Variants in CCDC33 observed in about 807,000 individuals in gnomAD.
CCDC33 encodes the protein coiled-coil domain-containing protein 33.
A neutral mutation model predicts 91.9 loss-of-function variants in CCDC33; 94 were observed. The observed-to-expected ratio is 1.02, with a 90% CI of 0.87 to 1.21. The LOEUF (loss-of-function observed/expected upper bound fraction) is 1.21. Among genes scored for constraint, CCDC33 ranks in the 50% most tolerant of loss-of-function variants. The pLI is 0.00. For synonymous variants in CCDC33, 396 were observed against 374.5 expected, an observed-to-expected ratio of 1.06 and a Z score of -0.66; for missense variants, 940 against 935.5, an observed-to-expected ratio of 1.00 and a Z score of -0.06.
At chr15:74,320,257 T>C (rs954910795) in intron 11 of CCDC33, among the ~76,000 whole-genome samples, 1 of 152,258 alleles carries the variant, frequency 6.6e-6, no homozygotes, top group East Asian at 1.9e-4. Context: ...ACCTGTGTAC[T>C]TTGCTGCCTC....
intron 2 of CCDC33, among the ~76,000 whole-genome samples, chr15:74,245,185 T>C (rs1393449696): frequency 6.6e-6 from 1 of 152,124 alleles, no homozygotes; most frequent in African/African-American, 2.4e-5. Context: ...GATCTCCTCC[T>C]CCATTTCCCT....
rs191781870 is a variant in CCDC33, at chr15:74,272,866, G to A, written c.734G>A (p.Arg245His). The change falls in exon 7 of 19, where the codon CGC becomes CAC. Residue 245 changes from arginine to histidine, a missense_variant. Transcript: ENST00000398814. The stretch of plus-strand genomic sequence containing the variant: ...TCCATGATGAACTTTGACGTGCCTC[G>A]CGTCAGCCAGAACGGATGCCCTCAG... ...IPSMMNFDVP[R>H]VSQNGCPQLS... 1.5e-5 allele frequency: 25 copies of A among 1,614,208 alleles called. No individual in the cohort carries two copies. The highest frequency in any genetic ancestry group is 8.9e-5 in the East Asian group (4 of 44,882).
In CCDC33 at chr15:74,330,348, A is replaced by G; in HGVS notation, c.1450A>G (p.Asn484Asp). The change falls in exon 12 of 19, where the codon AAC (asparagine) becomes GAC (aspartate). Residue 484 changes from asparagine (N) to aspartate (D), a missense_variant. Asn to Asp is a conservative substitution (Grantham distance 23). Transcript: ENST00000398814. ...EGQGKASEAQ[N>D]TVSMKQKLLL... ...GCAGGGCAAAGCCAGTGAGGCCCAG[A>G]ACACGGGTGAGGATGTGCAGGCCAC... The G allele has an allele frequency of 3.1e-6, 5 of 1,594,290 alleles. No individual in the cohort carries two copies. Among genetic ancestry groups the G allele is most frequent in the Non-Finnish European group, 4.3e-6 (5 of 1,171,002 alleles).
Position 74,335,970 on chromosome 15 carries a change from G to A in CCDC33, c.2185G>A (p.Glu729Lys), listed in dbSNP as rs553391963. The A allele has an allele frequency of 5.0e-6, 8 of 1,613,754 alleles. No individual in the cohort carries two copies. In the East Asian group the frequency reaches 1.3e-4, roughly 27 times the overall value. ...GGACCTCAAGCAGCCCTCAGAGCTG[G>A]AGCCCCTGCTGCCCAGCTCAGACTC... ...SMDLKQPSEL[E>K]PLLPSSDSKL... is the part of the protein sequence containing the mutation. The change falls in exon 19 of 19, where the codon GAG (glutamate) becomes AAG (lysine). Residue 729 changes from glutamate (E) to lysine (K), a missense_variant. Transcript: ENST00000398814.
Position 74,336,042 on chromosome 15 carries a change from CA to C in CCDC33, c.2258del (p.Gln753ArgfsTer33). 1 of 1,613,864 alleles carries C rather than the reference CA, an allele frequency of 6.2e-7. No individual in the cohort carries two copies. Among genetic ancestry groups the C allele is most frequent in the Non-Finnish European group, 8.5e-7 (1 of 1,180,008 alleles). ...LSPQKETANS[Q>X]QT is the part of the protein sequence containing the mutation. Reference sequence around the variant, plus strand: ...CCCCCAGAAGGAGACCGCTAACTCTCAGCAGACCTGAGCCCCAGAGCAGGCC... The same window carrying C: ...CCCCCAGAAGGAGACCGCTAACTCTCGCAGACCTGAGCCCCAGAGCAGGCC... On this transcript the variant is annotated frameshift_variant, in exon 19 of 19. Coordinates refer to ENST00000398814, the MANE Select transcript of CCDC33 (RefSeq NM_025055.5). LOFTEE classifies it high-confidence loss of function.
chr15:74,281,554 C>G (rs1443539481), intron 9 of CCDC33, among the ~76,000 whole-genome samples: 1 of 152,226 alleles, frequency 6.6e-6, no homozygotes, highest in African/African-American at 2.4e-5. Context: ...ATCTCTCTGT[C>G]AGATGAGCCT....
chr15:74,330,515 G>T, intron 12 of CCDC33, 148 bp from the exon 13 acceptor site: 1 of 1,071,924 alleles, frequency 9.3e-7, no homozygotes, highest in South Asian at 1.5e-5. Context: ...TCCCTGCCCA[G>T]CTGGGTCCTC....
At chr15:74,250,970 A>G (rs1338913224) in intron 2 of CCDC33, among the ~76,000 whole-genome samples, 2 of 152,232 alleles carry the variant, frequency 1.3e-5, no homozygotes, top group Non-Finnish European at 2.9e-5. Flanking sequence ...GAGACCTATC[A>G]TAAGAAAGCC....
intron 1 of CCDC33, among the ~76,000 whole-genome samples, chr15:74,237,445 G>A (rs567892311): frequency 4.6e-5 from 7 of 152,338 alleles, no homozygotes; most frequent in Middle Eastern, 3.4e-3. Context: ...AGCAGAAGGA[G>A]CTGAGACCAA....
At chr15:74,277,059 G>A (rs909512516) in intron 7 of CCDC33, among the ~76,000 whole-genome samples, 1 of 152,218 alleles carries the variant, frequency 6.6e-6, no homozygotes, top group African/African-American at 2.4e-5. Flanking sequence ...ATCTGGAATG[G>A]AGAAGCCCCC....
intron 1 of CCDC33, among the ~76,000 whole-genome samples, chr15:74,241,566 C>A (rs932470116): frequency 4.6e-5 from 7 of 152,244 alleles, no homozygotes; most frequent in Admixed American, 2.0e-4. Flanking sequence ...CGGGCCATTG[C>A]AAGGCTCTGA....
chr15:74,236,511 CA>C lies in CCDC33; in HGVS notation c.-208del. ...GATCCAGGACCTGCTCCCACCTGGC[CA>C]CCCTCCCCCTCCCCCCACATCCAGG... On this transcript the variant is annotated 5_prime_UTR_variant, in exon 1 of 19. Coordinates refer to ENST00000398814, the MANE Select transcript of CCDC33 (RefSeq NM_025055.5). 3 of 388,710 alleles carry C rather than the reference CA, an allele frequency of 7.7e-6. No homozygotes were observed. Among genetic ancestry groups the C allele is most frequent in the African/African-American group, 2.1e-5 (1 of 48,400 alleles). The allele number at this position is 388,710 out of a possible 1,614,324, so 24.1% of individuals were successfully genotyped here. A position where few individuals can be genotyped will look rare whatever the true frequency, so the allele number is the denominator to read the frequency against.
upstream of CCDC33, among the ~76,000 whole-genome samples, chr15:74,236,104 GGGGC>G (rs1365177050): frequency 6.6e-6 from 1 of 152,240 alleles, no homozygotes; most frequent in Non-Finnish European, 1.5e-5. Context: ...TGAGCAGCAT[GGGGC>G]TGGCCACACC....
In CCDC33 at chr15:74,256,464, T is replaced by C. The variant is rs541038139; in HGVS notation, c.186-5976T>C. Among the ~76,000 whole-genome samples the C allele has an allele frequency of 9.2e-5, 14 of 152,196 alleles. No homozygotes were observed. In the East Asian group the frequency reaches 2.7e-3, roughly 29 times the overall value. On this transcript the variant is annotated intron_variant, in intron 2 of 18. Coordinates refer to ENST00000398814, the MANE Select transcript of CCDC33 (RefSeq NM_025055.5). ...TGGCTGTTCAGAGTGACCGAACCAT[T>C]GAGAGGATTCCACGTCCTGGCAAGT...
chr15:74,228,805 G>T (rs989867605), intron 2 of CCDC33, among the ~76,000 whole-genome samples: 7 of 152,212 alleles, frequency 4.6e-5, no homozygotes, highest in African/African-American at 1.4e-4. Context: ...GGCAGGGGCC[G>T]GGCCAGCTCC....
At position 74,318,508 on chromosome 15, in the gene CCDC33, G is replaced by A. The variant is rs939599682; in HGVS notation, c.1291-11681G>A. 18 of 641,394 alleles carry A rather than the reference G, an allele frequency of 2.8e-5. No homozygotes were observed. In the African/African-American group the frequency reaches 3.1e-4, roughly 11 times the overall value. The allele number at this position is 641,394 out of a possible 1,614,324, so 39.7% of individuals were successfully genotyped here. A position where few individuals can be genotyped will look rare whatever the true frequency, so the allele number is the denominator to read the frequency against. On this transcript the variant is annotated intron_variant, in intron 11 of 18. Coordinates refer to ENST00000398814, the MANE Select transcript of CCDC33 (RefSeq NM_025055.5). The stretch of plus-strand genomic sequence containing the variant: ...GCCTGCCTGCTTCCAGCTCAGGGCT[G>A]GGCTTGGTCACCAGGCAGGCACTTG...
exon 1 of CCDC33, chr15:74,217,244 C>A: frequency 8.1e-7 from 1 of 1,242,210 alleles, no homozygotes; most frequent in Non-Finnish European, 1.0e-6. Context: ...GTGCAGTGCT[C>A]AGCCTGGCAG....
intron 15 of CCDC33, 106 bp downstream of exon 15, chr15:74,331,402 C>T (rs537722131): frequency 6.2e-6 from 7 of 1,131,026 alleles, no homozygotes; most frequent in Non-Finnish European, 9.0e-6. Context: ...GAAGAGGTCC[C>T]CTGCACTCAG....
upstream of CCDC33, among the ~76,000 whole-genome samples, chr15:74,214,427 A>G (rs1342911814): frequency 6.6e-6 from 1 of 152,074 alleles, no homozygotes; most frequent in Non-Finnish European, 1.5e-5. Context: ...CCTGCCCCCC[A>G]GAGACAGTCT....
Sources: gnomAD v4.1 joint callset for allele counts (sites outside exome capture counted in the v4.1 genomes callset) on GRCh38, gnomAD v4.1.1 for gene constraint, MANE v1.5 for transcripts, NCBI Gene and HGNC (gene_info 2026-07-23, HGNC 2026-07-21) for gene names.